Variants in GABBR2 observed in about 807,000 individuals in gnomAD.
GABBR2 encodes gamma-aminobutyric acid type B receptor subunit 2, also known as G-protein coupled receptor 51.
Under a neutral mutation model 105.6 loss-of-function variants are expected in GABBR2, and 23 were observed. The ratio of observed to expected loss-of-function variants is 0.22; its 90% CI spans 0.16 to 0.31. The LOEUF (loss-of-function observed/expected upper bound fraction) is 0.31. GABBR2 is among the 10% of genes least tolerant of loss of function. GABBR2 has a pLI of 1.00. For missense variants in GABBR2, 734 were observed against 1,245.5 expected (o/e 0.59, Z 6.18); for synonymous variants, 478 against 499.7 (o/e 0.96, Z 0.58).
intron 3 of GABBR2, among the ~76,000 whole-genome samples, chr9:98,520,793 C>T (rs923666863): frequency 9.9e-5 from 15 of 152,160 alleles, no homozygotes; most frequent in South Asian, 2.1e-4. Context: ...TGGCTCAGGA[C>T]GCCAGATGAT....
chr9:98,373,260 T>C (rs1436238337), intron 11 of GABBR2, among the ~76,000 whole-genome samples: 1 of 152,222 alleles, frequency 6.6e-6, no homozygotes, highest in East Asian at 1.9e-4. Context: ...CTTCAACAAG[T>C]ATTATTAGGA....
At chr9:98,514,056 A>G (rs1827707933) in intron 3 of GABBR2, among the ~76,000 whole-genome samples, 1 of 150,408 alleles carries the variant, frequency 6.6e-6, no homozygotes. Flanking sequence ...CATATACACC[A>G]TGGAATACTA....
chr9:98,667,480 C>A (rs1196593551), intron 1 of GABBR2, among the ~76,000 whole-genome samples: 1 of 152,150 alleles, frequency 6.6e-6, no homozygotes, highest in South Asian at 2.1e-4. Context: ...GCGTTACCCA[C>A]ATTTATGTCC....
At chr9:98,555,596 G>A (rs1170845334) in intron 2 of GABBR2, 3 of 152,176 alleles carry the variant, frequency 2.0e-5, no homozygotes, top group South Asian at 2.1e-4. Context: ...GATGTCTTTA[G>A]GGGTAAGAAG....
intron 1 of GABBR2, among the ~76,000 whole-genome samples, chr9:98,652,136 T>C (rs1830117361): frequency 6.6e-6 from 1 of 152,232 alleles, no homozygotes; most frequent in South Asian, 2.1e-4. Context: ...TATTATCATA[T>C]GTATCATAGT....
At chr9:98,644,304 G>A (rs1028888249) in intron 1 of GABBR2, among the ~76,000 whole-genome samples, 25 of 152,224 alleles carry the variant, frequency 1.6e-4, no homozygotes, top group African/African-American at 5.8e-4. Context: ...CACATTGTGG[G>A]CAGCAAAGAG....
chr9:98,319,275 C>T (rs902908999), intron 13 of GABBR2, among the ~76,000 whole-genome samples: 2 of 152,100 alleles, frequency 1.3e-5, no homozygotes, highest in African/African-American at 4.8e-5. Flanking sequence ...TCATTATTAT[C>T]CCCCACTGCA....
At chr9:98,544,349 G>A (rs1193299268) in intron 2 of GABBR2, among the ~76,000 whole-genome samples, 1 of 152,154 alleles carries the variant, frequency 6.6e-6, no homozygotes. Context: ...CCACTCTCTA[G>A]AATTGCTGGA....
intron 1 of GABBR2, among the ~76,000 whole-genome samples, chr9:98,639,031 A>T (rs1351058641): frequency 6.6e-6 from 1 of 152,168 alleles, no homozygotes; most frequent in Non-Finnish European, 1.5e-5. Flanking sequence ...TCCCCAGTTC[A>T]TCTGCATCTC....
chr9:98,693,782 A>G (rs1457689949), intron 1 of GABBR2, among the ~76,000 whole-genome samples: 1 of 152,246 alleles, frequency 6.6e-6, no homozygotes, highest in African/African-American at 2.4e-5. Flanking sequence ...CCCAGCACAT[A>G]GTAGGGATTC....
In GABBR2 at chr9:98,459,824, C is replaced by T. The variant is rs904520341; in HGVS notation, c.1000-5607G>A. Among the ~76,000 whole-genome samples, 24 of 152,160 alleles carry T rather than the reference C, an allele frequency of 1.6e-4. 1 individual carries two copies. Among genetic ancestry groups the T allele is most frequent in the Admixed American group, 3.3e-4 (5 of 15,286 alleles). ...GATTGGGCCTTACAAAAACTGAAAC[C>T]GAACCTGGAATCATCTCAGTTCTTC... On this transcript the variant is annotated intron_variant, in intron 6 of 18. Transcript: ENST00000259455.
chr9:98,604,785 T>C (rs1034912935), intron 1 of GABBR2, among the ~76,000 whole-genome samples: 3 of 152,206 alleles, frequency 2.0e-5, no homozygotes, highest in African/African-American at 7.2e-5. Context: ...ACAAACATTA[T>C]CACACCCACT....
At chr9:98,586,874 C>T (rs934552107) in intron 1 of GABBR2, among the ~76,000 whole-genome samples, 6 of 152,226 alleles carry the variant, frequency 3.9e-5, no homozygotes, top group African/African-American at 1.4e-4. Context: ...CTGTTTCCAG[C>T]ATTGTGTTTG....
intron 1 of GABBR2, 69 bp from the exon 2 acceptor site, chr9:98,578,141 C>T: frequency 6.4e-7 from 1 of 1,564,432 alleles, no homozygotes; most frequent in Non-Finnish European, 8.7e-7. Flanking sequence ...ATGAGCCCAA[C>T]AAACAAATCT....
Position 98,389,020 on chromosome 9 carries a change from A to T in GABBR2, c.1379-16T>A, listed in dbSNP as rs780170475. On this transcript the variant is annotated splice_polypyrimidine_tract_variant and intron_variant, in intron 9 of 18. Coordinates refer to ENST00000259455, the MANE Select transcript of GABBR2 (RefSeq NM_005458.8). ...GGTTCGGATCCTAGAGGATCAAGAG[A>T]AGACATCAGTGGGACCCAATGCAAG... 1 of 1,608,370 alleles carries T rather than the reference A, an allele frequency of 6.2e-7. No homozygotes were observed. The highest frequency in any genetic ancestry group is 1.1e-5 in the South Asian group (1 of 90,266).
chr9:98,628,898 G>A (rs536882300), intron 1 of GABBR2, among the ~76,000 whole-genome samples: 16 of 152,296 alleles, frequency 1.1e-4, no homozygotes, highest in African/African-American at 3.8e-4. Context: ...CCCTACAGGG[G>A]CTGCAGCTCT....
intron 1 of GABBR2, among the ~76,000 whole-genome samples, chr9:98,689,661 G>A (rs1029295079): frequency 1.4e-4 from 21 of 152,146 alleles, no homozygotes; most frequent in African/African-American, 4.6e-4. Flanking sequence ...CTCTATCCCC[G>A]ACGTCTCTGA....
At chr9:98,428,607 T>C (rs373422428) in intron 7 of GABBR2, among the ~76,000 whole-genome samples, 1 of 152,212 alleles carries the variant, frequency 6.6e-6, no homozygotes, top group Non-Finnish European at 1.5e-5. Context: ...GATGGCTCTA[T>C]GCAGGGATGG....
rs572403789 is a variant in GABBR2, at chr9:98,336,528, A to G, written c.1894-25323T>C. ...AGACCAGCCTGGCCAATATGGTGAAACCCCGTCTCTACTAAAAAATACAAA... is the reference window on the plus strand; with the variant it reads ...AGACCAGCCTGGCCAATATGGTGAAGCCCCGTCTCTACTAAAAAATACAAA... On this transcript the variant is annotated intron_variant, in intron 13 of 18. Coordinates refer to ENST00000259455, the MANE Select transcript of GABBR2 (RefSeq NM_005458.8). Among the ~76,000 whole-genome samples, 3 of 152,168 alleles carry G rather than the reference A, an allele frequency of 2.0e-5. No homozygotes were observed. The East Asian group carries it at 5.8e-4, about 30-fold the overall frequency.
Sources: gnomAD v4.1 joint callset for allele counts (sites outside exome capture counted in the v4.1 genomes callset) on GRCh38, gnomAD v4.1.1 for gene constraint, MANE v1.5 for transcripts, NCBI Gene and HGNC (gene_info 2026-07-23, HGNC 2026-07-21) for gene names.